The following LOXL2 variants were observed in gnomAD, a reference collection of about 807,000 sequenced individuals.
The protein encoded by LOXL2 is lysyl oxidase homolog 2.
LOXL2 carries 70 observed loss-of-function variants against 93.0 expected under a neutral mutation model. The observed-to-expected ratio is 0.75, with a 90% CI of 0.62 to 0.92. The LOEUF (loss-of-function observed/expected upper bound fraction) is 0.92. Among genes scored for constraint, LOXL2 ranks in the 40% least tolerant of loss-of-function variants. The pLI is 0.00. For missense variants in LOXL2, 973 were observed against 1,054.9 expected (o/e 0.92, Z 1.08); for synonymous variants, 438 against 413.2 (o/e 1.06, Z -0.73).
chr8:23,392,989 G>A (rs1023450756), intron 1 of LOXL2, among the ~76,000 whole-genome samples: 5 of 152,132 alleles, frequency 3.3e-5, no homozygotes, highest in African/African-American at 1.2e-4. Flanking sequence ...ATACTTGGGA[G>A]TAAATTTAAC....
Position 23,317,077 on chromosome 8 carries a change from T to A in LOXL2, c.1508A>T (p.Lys503Ile). 6.2e-7 allele frequency: 1 copy of A among 1,614,196 alleles called. No homozygotes were observed. The highest frequency in any genetic ancestry group is 8.5e-7 in the Non-Finnish European group (1 of 1,180,024). Residue 503 changes from lysine (K) to isoleucine (I), a missense_variant, in exon 9 of 14, where the codon AAA (lysine) becomes ATA (isoleucine). Physicochemically the swap from Lys to Ile is moderately radical, Grantham distance 102 (BLOSUM62 -3). Coordinates refer to ENST00000389131, the MANE Select transcript of LOXL2 (RefSeq NM_002318.3). ...WYWHGDVNSNKVVMSGVKCSG... is the reference protein window; with the variant it reads ...WYWHGDVNSNIVVMSGVKCSG... ...GCACTTCACTCCACTCATGACCACT[T>A]TGTTGCTGTTGACATCTCCGTGCCA...
At chr8:23,326,347 TTA>T (rs1435879060) in intron 6 of LOXL2, among the ~76,000 whole-genome samples, 2 of 152,200 alleles carry the variant, frequency 1.3e-5, no homozygotes, top group East Asian at 3.8e-4. Context: ...AATGGAATGT[TTA>T]TGTCATCGAG....
chr8:23,402,814 C>T (rs1800169522), intron 1 of LOXL2: 1 of 151,932 alleles, frequency 6.6e-6, no homozygotes, highest in Non-Finnish European at 1.5e-5. Context: ...GAGATCTCTG[C>T]AGTTTCAAGA....
chr8:23,346,469 A>G (rs73224469), intron 3 of LOXL2, among the ~76,000 whole-genome samples: 61,695 of 151,886 alleles, frequency 0.41, 13,381 homozygotes, highest in African/African-American at 0.57. Context: ...CCAAGGCACG[A>G]CCATGCAAGG....
In LOXL2 at chr8:23,333,476, G is replaced by C; in HGVS notation, c.891C>G (p.Ala297=). The C allele has an allele frequency of 3.1e-6, 5 of 1,613,972 alleles. No homozygotes were observed. The highest frequency in any genetic ancestry group is 4.2e-6 in the Non-Finnish European group (5 of 1,180,038). The change falls in exon 5 of 14, where the codon GCC becomes GCG. Residue 297 remains alanine, a synonymous_variant. Coordinates refer to ENST00000389131, the MANE Select transcript of LOXL2 (RefSeq NM_002318.3). ...KNVTCENGLP[A]VVSCVPGQVF... ...CCTGCCCAGGCACACAACTCACCAC[G>C]GCCGGTAGCCCATTCTCGCAGGTGA...
Position 23,360,385 on chromosome 8 carries a change from G to A in LOXL2, c.356-120C>T, listed in dbSNP as rs990108916. The A allele has an allele frequency of 4.6e-5, 31 of 667,380 alleles. No homozygotes were observed. In the African/African-American group the frequency reaches 5.4e-4, roughly 12 times the overall value. The allele number at this position is 667,380 out of a possible 1,614,324, so 41.3% of individuals were successfully genotyped here. A position where few individuals can be genotyped will look rare whatever the true frequency, so the allele number is the denominator to read the frequency against. ...TCTCTAATTTTGGCAGCTGTGTGTGGCCATCCATTTTTATTATATTAAGAT... is the reference window on the plus strand; with the variant it reads ...TCTCTAATTTTGGCAGCTGTGTGTGACCATCCATTTTTATTATATTAAGAT... On this transcript the variant is annotated intron_variant, in intron 2 of 13. Coordinates refer to ENST00000389131, the MANE Select transcript of LOXL2 (RefSeq NM_002318.3).
chr8:23,390,520 A>T (rs1170507218), intron 1 of LOXL2, among the ~76,000 whole-genome samples: 1 of 152,210 alleles, frequency 6.6e-6, no homozygotes, highest in East Asian at 1.9e-4. Flanking sequence ...GCCTCCAAAA[A>T]GAGGTCTTTG....
chr8:23,320,009 T>C lies in LOXL2; in HGVS notation c.1346A>G (p.Glu449Gly). The C allele has an allele frequency of 6.2e-7, 1 of 1,613,986 alleles. No individual in the cohort carries two copies. The highest frequency in any genetic ancestry group is 8.5e-7 in the Non-Finnish European group (1 of 1,179,930). ...GGRNPYEGRV[E>G]VLVERNGSLV... is the part of the protein sequence containing the mutation. ...GGACCCGTTTCTCTCCACCAGCACCTCCACTCGGCCCTCGTAGGGATTGCG... is the reference window on the plus strand; with the variant it reads ...GGACCCGTTTCTCTCCACCAGCACCCCCACTCGGCCCTCGTAGGGATTGCG... The change falls in exon 8 of 14, where the codon GAG (glutamate) becomes GGG (glycine). Residue 449 changes from glutamate (E) to glycine (G), a missense_variant. Coordinates refer to ENST00000389131, the MANE Select transcript of LOXL2 (RefSeq NM_002318.3).
At chr8:23,319,863 G>C (rs747895673) in intron 8 of LOXL2, 22 bp downstream of exon 8, 4 of 1,610,010 alleles carry the variant, frequency 2.5e-6, no homozygotes, top group Admixed American at 3.3e-5. Context: ...TGAATGCGGG[G>C]TCTGAGGCCG....
intron 3 of LOXL2, among the ~76,000 whole-genome samples, chr8:23,351,072 G>T (rs1430415881): frequency 1.3e-5 from 2 of 152,162 alleles, no homozygotes; most frequent in African/African-American, 4.8e-5. Context: ...CTGCTGGATG[G>T]TAAGCTCAGG....
chr8:23,328,577 C>A lies in LOXL2; in HGVS notation c.967-12G>T, dbSNP rs765060810. The A allele has an allele frequency of 3.7e-6, 6 of 1,613,348 alleles. No individual in the cohort carries two copies. In the South Asian group the frequency reaches 5.5e-5, roughly 15 times the overall value. On this transcript the variant is annotated splice_polypyrimidine_tract_variant and intron_variant, in intron 5 of 13. Coordinates refer to ENST00000389131, the MANE Select transcript of LOXL2 (RefSeq NM_002318.3). ...CGCACCAGGGGTTGCTGAAGAGACA[C>A]ACGGTCCTGCTGAGTACAGACGCTG...
intron 1 of LOXL2, among the ~76,000 whole-genome samples, chr8:23,386,781 G>C (rs949941649): frequency 6.6e-6 from 1 of 152,132 alleles, no homozygotes; most frequent in Non-Finnish European, 1.5e-5. Context: ...TGCAAGCAGA[G>C]AGCATCTGCC....
chr8:23,312,932 G>A (rs1803340905), intron 9 of LOXL2, among the ~76,000 whole-genome samples: 1 of 141,040 alleles, frequency 7.1e-6, no homozygotes, highest in Non-Finnish European at 1.5e-5. Context: ...TCCTTAAGCT[G>A]ATAAGCAACT....
intron 1 of LOXL2, among the ~76,000 whole-genome samples, chr8:23,379,843 T>G (rs1174205052): frequency 6.6e-6 from 1 of 152,270 alleles, no homozygotes; most frequent in East Asian, 1.9e-4. Flanking sequence ...CTGTCAGCCC[T>G]TCCCTTTACT....
In LOXL2 at chr8:23,368,296, A is replaced by G; in HGVS notation, c.56T>C (p.Leu19Pro). The change falls in exon 2 of 14, where the codon CTG becomes CCG. Residue 19 changes from leucine (L) to proline (P), a missense_variant. Coordinates refer to ENST00000389131, the MANE Select transcript of LOXL2 (RefSeq NM_002318.3). ...LCSCLAMLAL[L>P]SPLSLAQYDS... Reference sequence around the variant, plus strand: ...ATACTGTGCCAGGCTCAGGGGGGACAGGAGGGCCAGCATAGCCAGGCAGCT... The same window carrying G: ...ATACTGTGCCAGGCTCAGGGGGGACGGGAGGGCCAGCATAGCCAGGCAGCT... The G allele has an allele frequency of 6.2e-7, 1 of 1,613,398 alleles. No homozygotes were observed. Among genetic ancestry groups the G allele is most frequent in the Non-Finnish European group, 8.5e-7 (1 of 1,180,008 alleles).
chr8:23,313,545 G>A (rs1239037729), intron 9 of LOXL2, among the ~76,000 whole-genome samples: 1 of 152,136 alleles, frequency 6.6e-6, no homozygotes, highest in East Asian at 1.9e-4. Context: ...AAGCAATGGG[G>A]AAAGGATTCC....
Position 23,328,464 on chromosome 8 carries a change from G to A in LOXL2, c.1068C>T (p.Asp356=), listed in dbSNP as rs143228403. The A allele has an allele frequency of 0.021, 33,852 of 1,614,036 alleles. 432 individuals are homozygous for A. Among genetic ancestry groups the A allele is most frequent in the Non-Finnish European group, 0.025 (29,244 of 1,179,982 alleles). ...EWGTVCDDKW[D]LVSASVVCRE... is the part of the protein sequence containing the mutation. ...TGCAGACCACACTGGCCGACACCAG[G>A]TCCCACTTGTCGTCGCAGACGGTCC... The change falls in exon 6 of 14, where the codon GAC becomes GAT. Residue 356 remains aspartate, a synonymous_variant. Coordinates refer to ENST00000389131, the MANE Select transcript of LOXL2 (RefSeq NM_002318.3).
chr8:23,309,541 G>A (rs1205885247), intron 10 of LOXL2, 127 bp downstream of exon 10: 18 of 1,133,686 alleles, frequency 1.6e-5, no homozygotes, highest in Non-Finnish European at 2.1e-5. Context: ...CCCCACTTAG[G>A]AGGATCCTAT....
intron 3 of LOXL2, among the ~76,000 whole-genome samples, chr8:23,353,000 G>A (rs1428745284): frequency 6.8e-6 from 1 of 146,838 alleles, no homozygotes; most frequent in Non-Finnish European, 1.5e-5. Context: ...AGGAGGTGGG[G>A]TGGGGTGGGG....
Sources: allele counts gnomAD v4.1 joint callset (sites outside exome capture counted in the v4.1 genomes callset), GRCh38; gene constraint gnomAD v4.1.1; transcripts MANE v1.5; gene names NCBI Gene and HGNC (gene_info 2026-07-23, HGNC 2026-07-21).